Variants in CSMD3 observed in about 807,000 individuals in gnomAD.
CSMD3 encodes the protein CUB and Sushi multiple domains 3, also known as CUB and sushi domain-containing protein 3.
Under a neutral mutation model 435.2 loss-of-function variants are expected in CSMD3, and 177 were observed. That is an observed-to-expected ratio of 0.41 (90% CI 0.36 to 0.46). CSMD3 has a LOEUF of 0.46. Ranked by LOEUF, CSMD3 falls within the 20% of genes least tolerant of loss-of-function variation. The probability of loss-of-function intolerance (pLI) is 0.34; values close to 1 mark genes in which losing one functional copy is unlikely to be tolerated. For missense variants in CSMD3, 4,265 were observed against 4,504.6 expected (o/e 0.95, Z 1.52); for synonymous variants, 1,656 against 1,520.5 (o/e 1.09, Z -2.07).
intron 1 of CSMD3, among the ~76,000 whole-genome samples, chr8:113,372,952 A>AAG (rs1554623076): frequency 5.9e-5 from 9 of 151,780 alleles, no homozygotes; most frequent in Admixed American, 5.9e-4. Flanking sequence ...AAAAAAAAAA[A>AAG]AAAGAAAGAA....
At chr8:113,389,051 T>A (rs1037908592) in intron 1 of CSMD3, among the ~76,000 whole-genome samples, 71 of 151,596 alleles carry the variant, frequency 4.7e-4, no homozygotes, top group African/African-American at 1.2e-3. Flanking sequence ...TAAAATGACA[T>A]CTTACAACAA....
At chr8:112,545,548 T>C (rs1271299966) in intron 27 of CSMD3, among the ~76,000 whole-genome samples, 1 of 149,214 alleles carries the variant, frequency 6.7e-6, no homozygotes, top group African/African-American at 2.5e-5. Context: ...CACCACCATC[T>C]AGGGTCAGAA....
intron 13 of CSMD3, among the ~76,000 whole-genome samples, chr8:112,780,435 G>A (rs930112180): frequency 1.3e-5 from 2 of 152,004 alleles, no homozygotes; most frequent in Non-Finnish European, 2.9e-5. Flanking sequence ...TCCAGTGACC[G>A]TCAACATCTG....
chr8:112,263,932 T>C, intron 60 of CSMD3, 120 bp from the exon 61 acceptor site: 2 of 871,204 alleles, frequency 2.3e-6, no homozygotes, highest in Non-Finnish European at 1.9e-6. Context: ...GGACAATATG[T>C]TGTGACATAT....
chr8:113,374,818 T>TAAAAAAAAGAAA (rs2094368950), intron 1 of CSMD3, among the ~76,000 whole-genome samples: 1 of 28,112 alleles, frequency 3.6e-5, no homozygotes, highest in African/African-American at 1.2e-4. Flanking sequence ...TGTTAAAAAG[T>TAAAAAAAAGAAA]AAAAAAAAAA....
At chr8:112,253,906 T>A (rs1277469127) in intron 63 of CSMD3, among the ~76,000 whole-genome samples, 1 of 151,978 alleles carries the variant, frequency 6.6e-6, no homozygotes, top group Non-Finnish European at 1.5e-5. Flanking sequence ...TATCTTTACT[T>A]TTCTTCACTG....
At chr8:112,773,021 G>A (rs1466522101) in intron 13 of CSMD3, among the ~76,000 whole-genome samples, 2 of 151,972 alleles carry the variant, frequency 1.3e-5, no homozygotes, top group African/African-American at 2.4e-5. Context: ...TCCACATGCT[G>A]AGTCCCAGTC....
intron 36 of CSMD3, among the ~76,000 whole-genome samples, chr8:112,388,487 A>G (rs927434735): frequency 6.6e-6 from 1 of 152,178 alleles, no homozygotes; most frequent in Non-Finnish European, 1.5e-5. Flanking sequence ...GTACCGAGTA[A>G]GAGTCAGAAA....
At chr8:112,886,184 A>T (rs2081592186) in intron 10 of CSMD3, among the ~76,000 whole-genome samples, 1 of 151,632 alleles carries the variant, frequency 6.6e-6, no homozygotes, top group African/African-American at 2.4e-5. Flanking sequence ...TATAAATATC[A>T]TAGAAATTTA....
chr8:112,267,541 A>G (rs1288871675), intron 59 of CSMD3, among the ~76,000 whole-genome samples: 1 of 152,066 alleles, frequency 6.6e-6, no homozygotes, highest in Non-Finnish European at 1.5e-5. Context: ...ATTTTATTTT[A>G]TATTTATAAC....
chr8:112,876,088 G>T (rs895780752), intron 10 of CSMD3, among the ~76,000 whole-genome samples: 6 of 152,022 alleles, frequency 3.9e-5, no homozygotes, highest in African/African-American at 1.4e-4. Flanking sequence ...GTGACCTTCT[G>T]ATGGGTTCCT....
At chr8:112,823,000 G>C (rs2079570860) in intron 12 of CSMD3, among the ~76,000 whole-genome samples, 1 of 152,182 alleles carries the variant, frequency 6.6e-6, no homozygotes, top group African/African-American at 2.4e-5. Flanking sequence ...GATTGTGGGG[G>C]ATAAGCTTTT....
intron 10 of CSMD3, among the ~76,000 whole-genome samples, chr8:112,872,147 G>A (rs1412191466): frequency 6.6e-6 from 1 of 151,998 alleles, no homozygotes; most frequent in African/African-American, 2.4e-5. Flanking sequence ...GAAGGTGAAT[G>A]ATAAAACCTA....
intron 1 of CSMD3, among the ~76,000 whole-genome samples, chr8:113,382,821 A>G (rs1400170179): frequency 6.6e-6 from 1 of 151,992 alleles, no homozygotes; most frequent in Non-Finnish European, 1.5e-5. Flanking sequence ...TCTCTACTAA[A>G]AATACAAAAA....
chr8:113,363,510 T>C (rs758602204), intron 1 of CSMD3, among the ~76,000 whole-genome samples: 13 of 152,172 alleles, frequency 8.5e-5, no homozygotes, highest in Non-Finnish European at 1.3e-4. Context: ...GACTAGGATG[T>C]ATTTCAGAAG....
intron 58 of CSMD3, among the ~76,000 whole-genome samples, chr8:112,283,773 C>T (rs1301739098): frequency 3.3e-5 from 5 of 151,610 alleles, no homozygotes; most frequent in South Asian, 2.1e-4. Flanking sequence ...ATATTTACAA[C>T]TCTGTACATT....
At chr8:112,551,949 G>T (rs972122130) in intron 26 of CSMD3, among the ~76,000 whole-genome samples, 5 of 152,246 alleles carry the variant, frequency 3.3e-5, no homozygotes, top group South Asian at 2.1e-4. Flanking sequence ...CTGAGAGCCT[G>T]TGATAGCTTT....
chr8:112,533,595 A>G (rs931890951), intron 27 of CSMD3, among the ~76,000 whole-genome samples: 9 of 152,070 alleles, frequency 5.9e-5, no homozygotes, highest in Non-Finnish European at 1.3e-4. Context: ...ATATGTACCC[A>G]ATATCAAAGC....
intron 45 of CSMD3, among the ~76,000 whole-genome samples, chr8:112,329,499 A>C (rs2130915940): frequency 6.6e-6 from 1 of 152,212 alleles, no homozygotes; most frequent in Admixed American, 6.5e-5. Context: ...CCCAATCCAG[A>C]AGAAAATTAT....
Sources: allele counts gnomAD v4.1 joint callset (sites outside exome capture counted in the v4.1 genomes callset), GRCh38; gene constraint gnomAD v4.1.1; transcripts MANE v1.5; gene names NCBI Gene and HGNC (gene_info 2026-07-23, HGNC 2026-07-21).